The following EML5 variants were observed in gnomAD, a reference collection of about 807,000 sequenced individuals.
EML5 encodes the protein EMAP like 5.
A neutral mutation model predicts 250.0 loss-of-function variants in EML5; 120 were observed. The observed-to-expected ratio is 0.48, with a 90% CI of 0.41 to 0.56. EML5 has a LOEUF of 0.56. Among genes scored for constraint, EML5 ranks in the 20% least tolerant of loss-of-function variants. The pLI is 0.00. For missense variants in EML5, 2,006 were observed against 2,437.6 expected, an observed-to-expected ratio of 0.82 and a Z score of 3.73; for synonymous variants, 771 against 806.5, an observed-to-expected ratio of 0.96 and a Z score of 0.75.
At chr14:88,647,849 T>G (rs1427341082) in intron 28 of EML5, among the ~76,000 whole-genome samples, 1 of 152,180 alleles carries the variant, frequency 6.6e-6, no homozygotes, top group Admixed American at 6.5e-5. Context: ...TAATCTGAAT[T>G]TTAAACAAAA....
intron 1 of EML5, among the ~76,000 whole-genome samples, chr14:88,782,503 T>G (rs1397185969): frequency 1.3e-5 from 2 of 151,950 alleles, no homozygotes; most frequent in African/African-American, 2.4e-5. Flanking sequence ...TGTCAGAGAC[T>G]TTTGCGGCAG....
rs756371698 is a variant in EML5, at chr14:88,715,100, T to C, written c.1283A>G (p.Asn428Ser). The C allele has an allele frequency of 1.5e-5, 25 of 1,613,588 alleles. No homozygotes were observed. Among genetic ancestry groups the C allele is most frequent in the East Asian group, 2.2e-5 (1 of 44,872 alleles). Residue 428 changes from asparagine to serine, a missense_variant, in exon 9 of 44, where the codon AAT becomes AGT. Physicochemically the swap from Asn to Ser is conservative, Grantham distance 46 (BLOSUM62 1). Transcript: ENST00000554922. ...TCCATAAATATCAACCGAGCTGTCA[T>C]TGCATCCAACAGCAAGGTAAGTTCC... ...PDGTYLAVGC[N>S]DSSVDIYGVA...
intron 32 of EML5, among the ~76,000 whole-genome samples, chr14:88,636,726 A>G (rs973432071): frequency 2.6e-5 from 4 of 152,204 alleles, no homozygotes; most frequent in Non-Finnish European, 4.4e-5. Context: ...AGCTGTCTCC[A>G]AAACTGGAAG....
intron 1 of EML5, among the ~76,000 whole-genome samples, chr14:88,791,431 A>C (rs1194163012): frequency 6.6e-6 from 1 of 152,208 alleles, no homozygotes; most frequent in East Asian, 1.9e-4. Context: ...GGCAATAATC[A>C]GTGGCCTAGA....
chr14:88,634,171 G>T (rs1273879675), intron 33 of EML5, among the ~76,000 whole-genome samples: 1 of 152,026 alleles, frequency 6.6e-6, no homozygotes, highest in Non-Finnish European at 1.5e-5. Flanking sequence ...CATGAGATCT[G>T]CTCGTTTAAA....
At chr14:88,708,732 T>G (rs1460822990) in intron 10 of EML5, among the ~76,000 whole-genome samples, 2 of 152,146 alleles carry the variant, frequency 1.3e-5, no homozygotes, top group Non-Finnish European at 2.9e-5. Flanking sequence ...GTCTGAGCAT[T>G]CCACCAAACC....
chr14:88,650,701 C>T (rs915619527), intron 27 of EML5, among the ~76,000 whole-genome samples: 3 of 152,082 alleles, frequency 2.0e-5, no homozygotes, highest in African/African-American at 4.8e-5. Context: ...TGCAAGGGTG[C>T]GATCATAGCT....
intron 20 of EML5, among the ~76,000 whole-genome samples, chr14:88,683,419 G>C (rs559269773): frequency 1.2e-4 from 19 of 152,328 alleles, no homozygotes; most frequent in African/African-American, 4.3e-4. Context: ...ACCAATTAAA[G>C]GAGTTTAACA....
At chr14:88,709,459 A>G (rs182556244) in intron 10 of EML5, among the ~76,000 whole-genome samples, 1 of 152,274 alleles carries the variant, frequency 6.6e-6, no homozygotes, top group East Asian at 1.9e-4. Context: ...CATGTTTGAC[A>G]GAGGAGAAAA....
Position 88,638,795 on chromosome 14 carries a change from A to C in EML5, c.4336+14T>G. 6.5e-7 allele frequency: 1 copy of C among 1,545,892 alleles called. No individual in the cohort carries two copies. The highest frequency in any genetic ancestry group is 8.7e-7 in the Non-Finnish European group (1 of 1,142,932). On this transcript the variant is annotated intron_variant, in intron 32 of 43. Coordinates refer to ENST00000554922, the MANE Select transcript of EML5 (RefSeq NM_183387.3). ...ATGCTTTAAATTGTTTCTTTTTAAA[A>C]TACAGAAACATACCTACTTGGCCAG...
intron 32 of EML5, among the ~76,000 whole-genome samples, chr14:88,637,350 T>C (rs1026388394): frequency 6.6e-6 from 1 of 152,200 alleles, no homozygotes; most frequent in East Asian, 1.9e-4. Context: ...ATATTTTCTA[T>C]AGTGTTGTCT....
Position 88,663,054 on chromosome 14 carries a change from T to C in EML5, c.3475A>G (p.Lys1159Glu). The C allele has an allele frequency of 6.4e-7, 1 of 1,553,392 alleles. No homozygotes were observed. The highest frequency in any genetic ancestry group is 8.7e-7 in the Non-Finnish European group (1 of 1,147,674). The change falls in exon 24 of 44, where the codon AAA (lysine) becomes GAA (glutamate). Residue 1159 changes from lysine to glutamate, a missense_variant. Lys to Glu is a moderately conservative substitution (Grantham distance 56, BLOSUM62 1). This residue lies in a region of EML5 where 1,375 missense variants were observed against 1,590.3 expected (regional missense o/e 0.86). Coordinates refer to ENST00000554922, the MANE Select transcript of EML5 (RefSeq NM_183387.3). Reference protein sequence around the residue: ...QLFFEAPRGKKQTIPSVEVEK... With the variant: ...QLFFEAPRGKEQTIPSVEVEK... ...ACCTCCACGCTGGGGATGGTTTGTTTTTTCCCTCTGGGAGCTTCAAAGAAT... is the reference window on the plus strand; with the variant it reads ...ACCTCCACGCTGGGGATGGTTTGTTCTTTCCCTCTGGGAGCTTCAAAGAAT...
At position 88,618,354 on chromosome 14, in the gene EML5, G is replaced by C; in HGVS notation, c.5539-23C>G. On this transcript the variant is annotated intron_variant, in intron 40 of 43. Coordinates refer to ENST00000554922, the MANE Select transcript of EML5 (RefSeq NM_183387.3). ...GACCTTTTTCATCAGATTAAAATGG[G>C]ACAAGAATTCCATTAGGTGAGAGAC... The C allele has an allele frequency of 2.5e-6, 4 of 1,598,006 alleles. No homozygotes were observed. In the South Asian group the frequency reaches 4.4e-5, roughly 18 times the overall value.
chr14:88,721,598 C>T (rs889930387), intron 8 of EML5, among the ~76,000 whole-genome samples: 3 of 152,128 alleles, frequency 2.0e-5, no homozygotes, highest in African/African-American at 7.2e-5. Flanking sequence ...CTTCCTTACA[C>T]CTTATACAAA....
chr14:88,762,602 T>C (rs1030916255), intron 1 of EML5, among the ~76,000 whole-genome samples: 3 of 152,074 alleles, frequency 2.0e-5, no homozygotes, highest in African/African-American at 4.8e-5. Context: ...ATTAGATCAA[T>C]GAGACACAAA....
chr14:88,683,131 AAT>A (rs1462119757), intron 20 of EML5, among the ~76,000 whole-genome samples: 1 of 152,296 alleles, frequency 6.6e-6, no homozygotes, highest in Non-Finnish European at 1.5e-5. Flanking sequence ...TATGGTTTTT[AAT>A]ATCTTTCCAG....
At chr14:88,682,437 C>A (rs2092734389) in intron 20 of EML5, among the ~76,000 whole-genome samples, 1 of 151,692 alleles carries the variant, frequency 6.6e-6, no homozygotes, top group Non-Finnish European at 1.5e-5. Flanking sequence ...CATTTAAAGT[C>A]TCTGAAAATA....
chr14:88,758,892 G>A (rs1469832276), intron 1 of EML5, among the ~76,000 whole-genome samples: 1 of 152,136 alleles, frequency 6.6e-6, no homozygotes, highest in Non-Finnish European at 1.5e-5. Context: ...GCTAAGTGAA[G>A]GAAAACAGAT....
intron 1 of EML5, among the ~76,000 whole-genome samples, chr14:88,766,224 A>G (rs558088347): frequency 3.9e-5 from 6 of 152,334 alleles, no homozygotes; most frequent in African/African-American, 9.6e-5. Context: ...AAAGAACAGG[A>G]TAACAGCGAT....
Sources: allele counts gnomAD v4.1 joint callset (sites outside exome capture counted in the v4.1 genomes callset), GRCh38; gene constraint gnomAD v4.1.1; regional missense constraint gnomAD v4.1.1; transcripts MANE v1.5; gene names NCBI Gene and HGNC (gene_info 2026-07-23, HGNC 2026-07-21).